Variants in HIVEP2 observed in about 807,000 individuals in gnomAD.
The protein encoded by HIVEP2 is transcription factor HIVEP2.
HIVEP2 carries 14 observed loss-of-function variants against 180.7 expected under a neutral mutation model. That is an observed-to-expected ratio of 0.08 (90% CI 0.05 to 0.12). HIVEP2 has a LOEUF of 0.12. HIVEP2 is among the 10% of genes least tolerant of loss of function. HIVEP2 has a pLI of 1.00. For synonymous variants in HIVEP2, 1,184 were observed against 1,136.4 expected (o/e 1.04, Z -0.84); for missense variants, 2,579 against 3,008.5 (o/e 0.86, Z 3.34).
rs530006787 is a variant in HIVEP2 at position 142,926,042 on chromosome 6, G to A, written c.-641+19057C>T. On this transcript the variant is annotated intron_variant, in intron 1 of 9. Coordinates refer to ENST00000367603, the MANE Select transcript of HIVEP2 (RefSeq NM_006734.4). ...TCATACCTGCAAGTATGGAAGACAC[G>A]TAAGATTCAAGTTACTAAATTATAG... Among the ~76,000 whole-genome samples the A allele has an allele frequency of 3.9e-5, 6 of 152,250 alleles. No individual in the cohort carries two copies. In the East Asian group the frequency reaches 9.7e-4, roughly 24 times the overall value.
At chr6:142,856,895 G>A (rs1324920701) in intron 1 of HIVEP2, among the ~76,000 whole-genome samples, 1 of 152,174 alleles carries the variant, frequency 6.6e-6, no homozygotes, top group East Asian at 1.9e-4. Context: ...AGACCAACCT[G>A]GACTTCCGTG....
chr6:142,843,515 G>A (rs1268600706), intron 1 of HIVEP2, among the ~76,000 whole-genome samples: 2 of 152,164 alleles, frequency 1.3e-5, no homozygotes, highest in Admixed American at 1.3e-4. Context: ...TAAGGGAAGG[G>A]GTGGATGTAG....
intron 1 of HIVEP2, among the ~76,000 whole-genome samples, chr6:142,855,011 G>A (rs1382951888): frequency 6.6e-6 from 1 of 152,142 alleles, no homozygotes; most frequent in African/African-American, 2.4e-5. Context: ...AGCAGAAAAA[G>A]TTTGGCTTAG....
Position 142,808,331 on chromosome 6 carries a change from G to T in HIVEP2, c.-527-24716C>A, listed in dbSNP as rs934084815. 4.6e-5 allele frequency among the ~76,000 whole-genome samples: 7 copies of T among 152,222 alleles called. No homozygotes were observed. In the East Asian group the frequency reaches 1.2e-3, roughly 25 times the overall value. ...TCTGTGGGTGAATGGATGGAAGGAA[G>T]GAGGGAGGGAGGGATGAAGGAAGGG... is the stretch of plus-strand genomic sequence containing the variant. On this transcript the variant is annotated intron_variant, in intron 2 of 9. Coordinates refer to ENST00000367603, the MANE Select transcript of HIVEP2 (RefSeq NM_006734.4).
chr6:142,906,659 T>C (rs1777270781), intron 1 of HIVEP2, among the ~76,000 whole-genome samples: 1 of 151,814 alleles, frequency 6.6e-6, no homozygotes, highest in Non-Finnish European at 1.5e-5. Context: ...TTTTAGAAAA[T>C]TGTCACCATT....
chr6:142,844,560 T>C (rs1052282224), intron 1 of HIVEP2, among the ~76,000 whole-genome samples: 1 of 152,204 alleles, frequency 6.6e-6, no homozygotes, highest in African/African-American at 2.4e-5. Context: ...ACAGTTACTG[T>C]CCGAGGTATG....
At chr6:142,754,156 T>C (rs981070764) in intron 9 of HIVEP2, among the ~76,000 whole-genome samples, 3 of 152,190 alleles carry the variant, frequency 2.0e-5, no homozygotes, top group Middle Eastern at 3.2e-3. Context: ...GTTGCTTTTG[T>C]TTTTAAACAG....
At chr6:142,838,462 C>A (rs960571914) in intron 1 of HIVEP2, among the ~76,000 whole-genome samples, 1 of 152,142 alleles carries the variant, frequency 6.6e-6, no homozygotes, top group Admixed American at 6.5e-5. Flanking sequence ...GAACAATGAA[C>A]TGCAAAATGA....
At chr6:142,941,362 C>T (rs1778176833) in intron 1 of HIVEP2, among the ~76,000 whole-genome samples, 2 of 152,232 alleles carry the variant, frequency 1.3e-5, no homozygotes, top group African/African-American at 4.8e-5. Context: ...TACTGGCTTA[C>T]TCAACCTCTT....
intron 1 of HIVEP2, among the ~76,000 whole-genome samples, chr6:142,857,851 G>A (rs1038445754): frequency 1.4e-4 from 21 of 152,142 alleles, no homozygotes; most frequent in South Asian, 1.2e-3. Flanking sequence ...TCCTGCGGGC[G>A]GGGGGAAGCC....
At chr6:142,894,766 A>G (rs1051106384) in intron 1 of HIVEP2, among the ~76,000 whole-genome samples, 10 of 152,160 alleles carry the variant, frequency 6.6e-5, no homozygotes, top group African/African-American at 2.4e-4. Context: ...AACTTGGACA[A>G]GGGCATAGAG....
chr6:142,840,101 G>A (rs563701645), intron 1 of HIVEP2, among the ~76,000 whole-genome samples: 39 of 152,192 alleles, frequency 2.6e-4, no homozygotes, highest in Middle Eastern at 3.4e-3. Context: ...GGTCTCCAGA[G>A]TACCCCCTTC....
chr6:142,782,337 T>C (rs1045992393), intron 3 of HIVEP2, among the ~76,000 whole-genome samples: 2 of 152,198 alleles, frequency 1.3e-5, no homozygotes, highest in African/African-American at 2.4e-5. Flanking sequence ...TCTCGGGGCA[T>C]TGTAGTTGTA....
rs541979556 is a variant in HIVEP2 at position 142,929,058 on chromosome 6, G to T, written c.-641+16041C>A. Among the ~76,000 whole-genome samples, 6 of 152,262 alleles carry T rather than the reference G, an allele frequency of 3.9e-5. No homozygotes were observed. In the East Asian group the frequency reaches 1.2e-3, roughly 29 times the overall value. On this transcript the variant is annotated intron_variant, in intron 1 of 9. Coordinates refer to ENST00000367603, the MANE Select transcript of HIVEP2 (RefSeq NM_006734.4). Reference sequence around the variant, plus strand: ...ATCTTACACCAACTTTTTTTGGGGTGTCTTTTCTCCTTCATATCAATTGTT... The same window carrying T: ...ATCTTACACCAACTTTTTTTGGGGTTTCTTTTCTCCTTCATATCAATTGTT...
At chr6:142,875,155 GT>G (rs1366345164) in intron 1 of HIVEP2, among the ~76,000 whole-genome samples, 1 of 152,158 alleles carries the variant, frequency 6.6e-6, no homozygotes, top group Non-Finnish European at 1.5e-5. Context: ...CAGGTGGCCT[GT>G]CCAAAGAAGG....
chr6:142,780,113 A>G lies in HIVEP2; in HGVS notation c.-433+3408T>C, dbSNP rs182502918. On this transcript the variant is annotated intron_variant, in intron 3 of 9. Transcript: ENST00000367603. ...GCATTTATTATCCAGAAAGTTTTTA[A>G]GATTCAAAACATTAACTCAATTATG... 7.9e-5 allele frequency among the ~76,000 whole-genome samples: 12 copies of G among 152,354 alleles called. 2 individuals carry two copies. Among genetic ancestry groups the G allele is most frequent in the African/African-American group, 2.9e-4 (12 of 41,592 alleles).
intron 3 of HIVEP2, 150 bp downstream of exon 3, chr6:142,783,371 A>G (rs953949422): frequency 6.6e-6 from 1 of 151,770 alleles, no homozygotes; most frequent in Non-Finnish European, 1.5e-5. Context: ...ACTATGAAAA[A>G]CAAAATACAA....
intron 2 of HIVEP2, among the ~76,000 whole-genome samples, chr6:142,822,464 T>C (rs151043393): frequency 3.3e-4 from 50 of 152,352 alleles, no homozygotes; most frequent in Non-Finnish European, 6.3e-4. Context: ...ATCACAATGG[T>C]AATGTGATAT....
intron 2 of HIVEP2, among the ~76,000 whole-genome samples, chr6:142,823,056 C>T (rs1405318685): frequency 1.3e-5 from 2 of 152,320 alleles, no homozygotes; most frequent in East Asian, 1.9e-4. Flanking sequence ...GGCAGTCTGA[C>T]AGCCAGTCAC....
Sources: allele counts gnomAD v4.1 joint callset (sites outside exome capture counted in the v4.1 genomes callset), GRCh38; gene constraint gnomAD v4.1.1; transcripts MANE v1.5; gene names NCBI Gene and HGNC (gene_info 2026-07-23, HGNC 2026-07-21).